CTNNA2: variants seen among roughly 807,000 people sequenced by gnomAD.
CTNNA2 encodes the protein catenin alpha 2, also known as catenin alpha-2.
In CTNNA2, 42 loss-of-function variants were observed where a neutral mutation model predicts 101.0. That is an observed-to-expected ratio of 0.42 (90% confidence interval 0.32 to 0.54). The LOEUF (loss-of-function observed/expected upper bound fraction) is 0.54. Among genes scored for constraint, CTNNA2 ranks in the 20% least tolerant of loss-of-function variants. The pLI is 0.14. For synonymous variants in CTNNA2, 450 were observed against 456.4 expected, an observed-to-expected ratio of 0.99 and a Z score of 0.18; for missense variants, 871 against 1,223.1, an observed-to-expected ratio of 0.71 and a Z score of 4.29.
In CTNNA2 at chr2:79,214,503, A is replaced by G. The variant is rs572673223; in HGVS notation, c.-406+16427A>G. Among the ~76,000 whole-genome samples the G allele has an allele frequency of 6.6e-4, 100 of 152,290 alleles. 1 individual carries two copies. In the South Asian group the frequency reaches 0.017, roughly 25 times the overall value. On this transcript the variant is annotated intron_variant, in intron 2 of 21. Transcript: ENST00000466387. ...TTTATAGGCTTTAAAAGGCCATGCT[A>G]TAACAGGCGAGTGATAACAGGCTTT...
At chr2:79,333,531 C>T (rs1318202021) in intron 3 of CTNNA2, among the ~76,000 whole-genome samples, 1 of 152,096 alleles carries the variant, frequency 6.6e-6, no homozygotes, top group East Asian at 1.9e-4. Flanking sequence ...CTTTGAAGGA[C>T]ACAGTTTATG....
At chr2:79,772,689 A>G (rs1673676822) in intron 3 of CTNNA2, among the ~76,000 whole-genome samples, 1 of 152,146 alleles carries the variant, frequency 6.6e-6, no homozygotes, top group Non-Finnish European at 1.5e-5. Flanking sequence ...TCTCCTGCCC[A>G]GTCACCAGAG....
intron 3 of CTNNA2, among the ~76,000 whole-genome samples, chr2:79,761,079 C>G (rs569206168): frequency 7.2e-5 from 11 of 152,128 alleles, no homozygotes; most frequent in African/African-American, 1.2e-4. Flanking sequence ...TTTGGGAAAA[C>G]AAGAAACATT....
intron 3 of CTNNA2, among the ~76,000 whole-genome samples, chr2:79,766,501 G>A (rs886847607): frequency 1.3e-5 from 2 of 152,056 alleles, no homozygotes; most frequent in Non-Finnish European, 2.9e-5. Flanking sequence ...TAAATGCGTT[G>A]AGGTAGTTTT....
chr2:80,577,460 T>TA (rs1695153497), intron 13 of CTNNA2, among the ~76,000 whole-genome samples: 1 of 152,102 alleles, frequency 6.6e-6, no homozygotes, highest in African/African-American at 2.4e-5. Context: ...GAACTTGACC[T>TA]AGAGACCTAA....
At chr2:80,448,773 T>C (rs141647288) in intron 9 of CTNNA2, among the ~76,000 whole-genome samples, 1 of 152,316 alleles carries the variant, frequency 6.6e-6, no homozygotes, top group Non-Finnish European at 1.5e-5. Context: ...CAGGAGCCTG[T>C]ATGTTAGCAG....
At chr2:79,467,671 C>T (rs1057502173) in intron 4 of CTNNA2, among the ~76,000 whole-genome samples, 5 of 152,148 alleles carry the variant, frequency 3.3e-5, no homozygotes, top group Non-Finnish European at 5.9e-5. Flanking sequence ...AGACTAAGAG[C>T]GGATCTCTCA....
At chr2:79,280,906 A>G (rs1042024187) in intron 2 of CTNNA2, among the ~76,000 whole-genome samples, 5 of 152,044 alleles carry the variant, frequency 3.3e-5, no homozygotes, top group African/African-American at 1.2e-4. Context: ...CCCGTATCAT[A>G]CTAGAAAGCC....
At chr2:79,935,953 C>G (rs1466032321) in intron 7 of CTNNA2, among the ~76,000 whole-genome samples, 2 of 152,248 alleles carry the variant, frequency 1.3e-5, no homozygotes, top group South Asian at 2.1e-4. Context: ...GGCAGACTTG[C>G]ATGCTGCAAC....
chr2:80,263,865 C>T (rs1672803721), intron 7 of CTNNA2, among the ~76,000 whole-genome samples: 1 of 152,174 alleles, frequency 6.6e-6, no homozygotes, highest in Non-Finnish European at 1.5e-5. Flanking sequence ...GAATGTCTTC[C>T]AGAGCAACCC....
chr2:80,391,360 T>C (rs1677498138), intron 7 of CTNNA2, among the ~76,000 whole-genome samples: 1 of 152,138 alleles, frequency 6.6e-6, no homozygotes, highest in Non-Finnish European at 1.5e-5. Context: ...GGCATTTACA[T>C]TCACTCAGTA....
intron 14 of CTNNA2, among the ~76,000 whole-genome samples, chr2:80,588,654 T>C (rs940539007): frequency 2.0e-5 from 3 of 152,182 alleles, no homozygotes; most frequent in South Asian, 2.1e-4. Context: ...TATCCCATTA[T>C]AACTTTTCTG....
chr2:80,573,371 A>C (rs1694768044), intron 12 of CTNNA2: 1 of 152,140 alleles, frequency 6.6e-6, no homozygotes, highest in Non-Finnish European at 1.5e-5. Flanking sequence ...CATTTTAGAA[A>C]TTTATATACG....
rs1258226566 is a variant in CTNNA2 at position 79,982,239 on chromosome 2, T to TA, written c.1056+72443dup. ...ATATATATATATATATATATATATA[T>TA]ATGTATGTATATGTACACACACACA... On this transcript the variant is annotated intron_variant, in intron 7 of 18. Coordinates refer to ENST00000402739, the MANE Select transcript of CTNNA2 (RefSeq NM_001282597.3). Among the ~76,000 whole-genome samples, 619 of 76,308 alleles carry TA rather than the reference T, an allele frequency of 8.1e-3. 42 individuals carry two copies. Among genetic ancestry groups the TA allele is most frequent in the African/African-American group, 0.031 (532 of 17,054 alleles). The allele number at this position is 76,308 out of a possible 152,430, so 50.1% of individuals were successfully genotyped here.
chr2:80,142,002 C>G (rs1339000866), intron 7 of CTNNA2, among the ~76,000 whole-genome samples: 1 of 152,058 alleles, frequency 6.6e-6, no homozygotes, highest in Admixed American at 6.6e-5. Context: ...GGACTGAATT[C>G]TGACTGCTGT....
chr2:79,301,359 C>A (rs1676103713), intron 2 of CTNNA2, among the ~76,000 whole-genome samples: 1 of 152,156 alleles, frequency 6.6e-6, no homozygotes, highest in Non-Finnish European at 1.5e-5. Flanking sequence ...AATGTAAGAG[C>A]AGATGTCCAA....
At chr2:80,602,235 C>T (rs1353433404) in intron 15 of CTNNA2, among the ~76,000 whole-genome samples, 1 of 151,890 alleles carries the variant, frequency 6.6e-6, no homozygotes, top group Non-Finnish European at 1.5e-5. Context: ...GAACTGTAGT[C>T]TCCGGTGTAA....
At chr2:80,550,696 T>G (rs1183766878) in intron 11 of CTNNA2, among the ~76,000 whole-genome samples, 1 of 152,212 alleles carries the variant, frequency 6.6e-6, no homozygotes. Context: ...ATCATGACAT[T>G]GCAGATTCAG....
chr2:79,340,833 C>CAAAAAAAAAAA (rs56276462), intron 3 of CTNNA2, among the ~76,000 whole-genome samples: 3 of 32,518 alleles, frequency 9.2e-5, no homozygotes, highest in African/African-American at 1.2e-4. Context: ...GACTCAGTCT[C>CAAAAAAAAAAA]AAAAAAAAAA....
Sources: allele counts gnomAD v4.1 joint callset (sites outside exome capture counted in the v4.1 genomes callset), GRCh38; gene constraint gnomAD v4.1.1; transcripts MANE v1.5; gene names NCBI Gene and HGNC (gene_info 2026-07-23, HGNC 2026-07-21).